The following EYS variants were observed in gnomAD, a reference collection of about 807,000 sequenced individuals.
EYS encodes the protein protein eyes shut homolog.
A neutral mutation model predicts 282.1 loss-of-function variants in EYS; 250 were observed. The ratio of observed to expected loss-of-function variants is 0.89; its 90% confidence interval spans 0.80 to 0.98. EYS has a LOEUF of 0.98. Among genes scored for constraint, EYS ranks in the 50% least tolerant of loss-of-function variants. The pLI is 0.00. For synonymous variants in EYS, 1,355 were observed against 1,282.9 expected, an observed-to-expected ratio of 1.06 and a Z score of -1.20; for missense variants, 4,016 against 3,709.0, an observed-to-expected ratio of 1.08 and a Z score of -2.15.
intron 11 of EYS, among the ~76,000 whole-genome samples, chr6:65,322,742 G>A (rs1439560449): frequency 6.8e-6 from 1 of 147,956 alleles, no homozygotes; most frequent in African/African-American, 2.5e-5. Flanking sequence ...TTGCAAGTGA[G>A]CCAAGATTGT....
intron 15 of EYS, among the ~76,000 whole-genome samples, chr6:64,938,872 C>T (rs1311434270): frequency 2.0e-5 from 3 of 151,576 alleles, no homozygotes; most frequent in Non-Finnish European, 3.0e-5. Context: ...GTATAGAGTT[C>T]GGTGCTATCT....
At chr6:64,483,979 C>G (rs1378442947) in intron 26 of EYS, among the ~76,000 whole-genome samples, 2 of 151,582 alleles carry the variant, frequency 1.3e-5, no homozygotes, top group African/African-American at 4.8e-5. Flanking sequence ...TGTAGGTGGG[C>G]ATTAAGTTTT....
intron 19 of EYS, among the ~76,000 whole-genome samples, chr6:64,842,124 A>G (rs953753790): frequency 2.6e-5 from 4 of 152,176 alleles, no homozygotes; most frequent in Middle Eastern, 3.4e-3. Context: ...CATACAGGGC[A>G]TTAATGCTAA....
chr6:65,008,549 A>G (rs1333159542), intron 13 of EYS, among the ~76,000 whole-genome samples: 1 of 152,206 alleles, frequency 6.6e-6, no homozygotes, highest in Non-Finnish European at 1.5e-5. Context: ...GGAAAATTGA[A>G]TGCCTAATAG....
At chr6:63,884,935 T>C (rs2149720899) in intron 35 of EYS, among the ~76,000 whole-genome samples, 1 of 152,270 alleles carries the variant, frequency 6.6e-6, no homozygotes, top group South Asian at 2.1e-4. Context: ...TTAATCTTCT[T>C]TGCATTGGTC....
intron 29 of EYS, among the ~76,000 whole-genome samples, chr6:64,332,179 C>T (rs1274937626): frequency 6.6e-6 from 1 of 152,180 alleles, no homozygotes; most frequent in Non-Finnish European, 1.5e-5. Context: ...AGATCAGGTG[C>T]TGCCCGTGGT....
chr6:63,827,669 C>A (rs919711484), intron 36 of EYS, among the ~76,000 whole-genome samples: 2 of 151,802 alleles, frequency 1.3e-5, no homozygotes, highest in African/African-American at 4.8e-5. Flanking sequence ...AAGGTGAAAC[C>A]CCGTCTCTAC....
intron 41 of EYS, among the ~76,000 whole-genome samples, chr6:63,758,134 C>T (rs1368571268): frequency 6.6e-6 from 1 of 152,122 alleles, no homozygotes; most frequent in East Asian, 1.9e-4. Context: ...AACTCCTAGC[C>T]TCAAACAGTC....
chr6:64,404,583 C>T (rs1358002152), intron 28 of EYS, among the ~76,000 whole-genome samples: 4 of 152,128 alleles, frequency 2.6e-5, no homozygotes, highest in African/African-American at 4.8e-5. Context: ...AGACAGTCCA[C>T]GCTGGATGCA....
chr6:64,009,377 A>G (rs1768498469), intron 33 of EYS, among the ~76,000 whole-genome samples: 1 of 148,916 alleles, frequency 6.7e-6, no homozygotes, highest in African/African-American at 2.5e-5. Flanking sequence ...TCCGCCCCCC[A>G]GGTTCATGCC....
intron 28 of EYS, among the ~76,000 whole-genome samples, chr6:64,405,880 G>A (rs1215348427): frequency 2.0e-5 from 3 of 152,070 alleles, no homozygotes; most frequent in African/African-American, 7.2e-5. Flanking sequence ...AAGCAATATC[G>A]TGAAAAGTAA....
At chr6:64,260,347 A>T (rs1767547626) in intron 30 of EYS, among the ~76,000 whole-genome samples, 1 of 151,828 alleles carries the variant, frequency 6.6e-6, no homozygotes, top group South Asian at 2.1e-4. Flanking sequence ...GCCTGGTTGT[A>T]TTTGCTTGTT....
At chr6:63,923,443 T>C (rs1764627872) in intron 35 of EYS, among the ~76,000 whole-genome samples, 1 of 152,222 alleles carries the variant, frequency 6.6e-6, no homozygotes, top group South Asian at 2.1e-4. Flanking sequence ...TTATAGGTTA[T>C]ATTTCTTTTT....
intron 31 of EYS, among the ~76,000 whole-genome samples, chr6:64,125,181 T>TCGCGCGCGCGCGCGCGCGCGCG (rs1773732118): frequency 6.6e-6 from 1 of 150,448 alleles, no homozygotes; most frequent in African/African-American, 2.5e-5. Context: ...TCTCTCGCTC[T>TCGCGCGCGCGCGCGCGCGCGCG]CTCTCTCTCT....
At chr6:64,587,261 C>T (rs1237225255) in intron 26 of EYS, among the ~76,000 whole-genome samples, 1 of 151,972 alleles carries the variant, frequency 6.6e-6, no homozygotes, top group Non-Finnish European at 1.5e-5. Context: ...TATAGGCTTG[C>T]TACCTTAGCT....
intron 33 of EYS, among the ~76,000 whole-genome samples, chr6:64,050,978 G>C (rs757767982): frequency 2.0e-5 from 3 of 152,090 alleles, no homozygotes; most frequent in Non-Finnish European, 4.4e-5. Context: ...CTTTTGTTAT[G>C]CATTTTTATA....
chr6:64,477,414 G>C (rs762507040), intron 26 of EYS, among the ~76,000 whole-genome samples: 12 of 152,030 alleles, frequency 7.9e-5, no homozygotes, highest in Non-Finnish European at 1.6e-4. Flanking sequence ...ATAATTAGAA[G>C]ACAGCTTTTG....
At chr6:65,584,570 T>G (rs1056850284) in intron 2 of EYS, among the ~76,000 whole-genome samples, 1 of 151,988 alleles carries the variant, frequency 6.6e-6, no homozygotes, top group African/African-American at 2.4e-5. Flanking sequence ...TAGTTCCAAC[T>G]GAATTATCCA....
At chr6:65,363,710 T>C (rs1422225468) in intron 8 of EYS, among the ~76,000 whole-genome samples, 1 of 151,956 alleles carries the variant, frequency 6.6e-6, no homozygotes, top group Non-Finnish European at 1.5e-5. Flanking sequence ...TTTATTTAGA[T>C]AACTTCAATC....
Sources: allele counts gnomAD v4.1 joint callset (sites outside exome capture counted in the v4.1 genomes callset), GRCh38; gene constraint gnomAD v4.1.1; transcripts MANE v1.5; gene names NCBI Gene and HGNC (gene_info 2026-07-23, HGNC 2026-07-21).